Variants in ACAP1 observed in about 807,000 individuals in gnomAD.
ACAP1 encodes arf-GAP with coiled-coil, ANK repeat and PH domain-containing protein 1.
In ACAP1, 45 loss-of-function variants were observed where a neutral mutation model predicts 98.8. That is an observed-to-expected ratio of 0.46 (90% confidence interval 0.36 to 0.58). The LOEUF (loss-of-function observed/expected upper bound fraction) is 0.58, where lower values mean the gene tolerates loss of function less well. Among genes scored for constraint, ACAP1 ranks in the 20% least tolerant of loss-of-function variants. ACAP1 has a pLI of 0.00. For synonymous variants in ACAP1, 362 were observed against 375.3 expected (o/e 0.96, Z 0.41); for missense variants, 735 against 971.4 (o/e 0.76, Z 3.24).
At chr17:7,338,881 G>A (rs1315738937) in intron 2 of ACAP1, among the ~76,000 whole-genome samples, 1 of 151,834 alleles carries the variant, frequency 6.6e-6, no homozygotes, top group Non-Finnish European at 1.5e-5. Context: ...ATTGACTCAG[G>A]AGACTAGTGA....
Position 7,343,059 on chromosome 17 carries a change from A to C in ACAP1, c.345-320A>C. 1 of 261,186 alleles carries C rather than the reference A, an allele frequency of 3.8e-6. No individual in the cohort carries two copies. The highest frequency in any genetic ancestry group is 7.3e-6 in the Non-Finnish European group (1 of 136,126). 16.2% of individuals were successfully genotyped at this position (261,186 alleles called of 1,614,324 possible). ...TGTGCCACTGTACTCCAGCCTGGGT[A>C]ACAGAGCAAGACCCGGTCTCAAAAA... is the stretch of plus-strand genomic sequence containing the variant. On this transcript the variant is annotated intron_variant, in intron 5 of 21. Transcript: ENST00000158762. The surrounding 1 kb of genome is among the most constrained non-coding windows in gnomAD (Gnocchi z 4.9).
chr17:7,346,081 T>C (rs565094141), intron 10 of ACAP1, 163 bp from the exon 11 acceptor site: 3 of 709,684 alleles, frequency 4.2e-6, no homozygotes, highest in African/African-American at 3.5e-5. Context: ...CCTTTAGATG[T>C]TCCAATCTGC....
chr17:7,347,354 T>G, intron 14 of ACAP1, 112 bp downstream of exon 14: 2 of 1,095,866 alleles, frequency 1.8e-6, no homozygotes, highest in Non-Finnish European at 2.6e-6. Context: ...CTTCCTCTCT[T>G]AGCTTCTGGC....
Position 7,343,033 on chromosome 17 carries a change from T to C in ACAP1, c.345-346T>C, listed in dbSNP as rs753945610. ...AGGTCAGGGCTGCGGTGAGCCATGA[T>C]TGTGCCACTGTACTCCAGCCTGGGT... On this transcript the variant is annotated intron_variant, in intron 5 of 21. Coordinates refer to ENST00000158762, the MANE Select transcript of ACAP1 (RefSeq NM_014716.4). This position sits in a 1 kb window ranked among gnomAD's most constrained non-coding sequence, Gnocchi z 4.9. 4 of 235,036 alleles carry C rather than the reference T, an allele frequency of 1.7e-5. No homozygotes were observed. The highest frequency in any genetic ancestry group is 3.3e-5 in the Non-Finnish European group (4 of 120,330). 14.6% of individuals were successfully genotyped at this position (235,036 alleles called of 1,614,324 possible). A position where few individuals can be genotyped will look rare whatever the true frequency, so the allele number is the denominator to read the frequency against.
chr17:7,350,516 TTTTTA>T lies in ACAP1; in HGVS notation c.2072+280_2072+284del. 1.9e-6 allele frequency: 1 copy of T among 524,166 alleles called. No individual in the cohort carries two copies. The highest frequency in any genetic ancestry group is 1.9e-5 in the African/African-American group (1 of 52,182). 32.5% of individuals were successfully genotyped at this position (524,166 alleles called of 1,614,324 possible). A position where few individuals can be genotyped will look rare whatever the true frequency, so the allele number is the denominator to read the frequency against. On this transcript the variant is annotated intron_variant, in intron 20 of 21. Coordinates refer to ENST00000158762, the MANE Select transcript of ACAP1 (RefSeq NM_014716.4). The surrounding 1 kb of genome is among the most constrained non-coding windows in gnomAD (Gnocchi z 4.6). ...CCCATCAACATTGCTGTCAGGCATC[TTTTTA>T]GCACTAGACGTGACCCCGGGGGTGG...
chr17:7,348,709 A>G, intron 17 of ACAP1: 1 of 575,598 alleles, frequency 1.7e-6, no homozygotes, highest in Non-Finnish European at 3.0e-6. Context: ...AAGGAGAGAG[A>G]GAGGGGGTGG....
At chr17:7,349,859 C>T in intron 18 of ACAP1, 86 bp from the exon 19 acceptor site, 1 of 1,116,374 alleles carries the variant, frequency 9.0e-7, no homozygotes, top group Non-Finnish European at 1.3e-6. Flanking sequence ...CCCTCCCATT[C>T]TCTGAACTGG....
intron 2 of ACAP1, among the ~76,000 whole-genome samples, chr17:7,339,378 C>T (rs186364926): frequency 5.3e-5 from 8 of 151,916 alleles, no homozygotes; most frequent in Admixed American, 2.6e-4. Context: ...TGGTAGGCTG[C>T]GGCAGGTGGA....
chr17:7,345,106 G>A (rs2073333683), intron 10 of ACAP1, among the ~76,000 whole-genome samples: 1 of 151,988 alleles, frequency 6.6e-6, no homozygotes, highest in Non-Finnish European at 1.5e-5. Flanking sequence ...GCTAATGGGG[G>A]CATGAGTCAT....
Position 7,347,052 on chromosome 17 carries a change from G to A in ACAP1, c.1153G>A (p.Gly385Ser), listed in dbSNP as rs1457600540. 2 of 1,600,704 alleles carry A rather than the reference G, an allele frequency of 1.2e-6. No individual in the cohort carries two copies. The highest frequency in any genetic ancestry group is 1.7e-6 in the Non-Finnish European group (2 of 1,171,814). Reference protein sequence around the residue: ...PGQGSGHLAIGSAATLGSGGM... With the variant: ...PGQGSGHLAISSAATLGSGGM... ...CCAGGGCTCAGGACACCTGGCCATA[G>A]GCTCTGCTGCCACCCTGGGCTCTGG... Residue 385 changes from glycine to serine, a missense_variant, in exon 14 of 22, where the codon GGC becomes AGC. By Grantham distance (56) the Gly-to-Ser change is moderately conservative. Coordinates refer to ENST00000158762, the MANE Select transcript of ACAP1 (RefSeq NM_014716.4).
chr17:7,346,050 T>C, intron 10 of ACAP1, 194 bp from the exon 11 acceptor site: 1 of 612,184 alleles, frequency 1.6e-6, no homozygotes, highest in Non-Finnish European at 2.9e-6. Flanking sequence ...AAATCTGGGT[T>C]GTCCAAGATA....
chr17:7,348,039 C>A, intron 15 of ACAP1, 48 bp downstream of exon 15: 8 of 1,610,920 alleles, frequency 5.0e-6, no homozygotes, highest in Non-Finnish European at 5.9e-6. Context: ...TGGGGTGGGG[C>A]AAGGACATGG....
At position 7,336,587 on chromosome 17, in the gene ACAP1, G is replaced by C. The variant is rs998849081; in HGVS notation, c.-148G>C. 1.7e-5 allele frequency: 13 copies of C among 779,348 alleles called. No individual in the cohort carries two copies. In the African/African-American group the frequency reaches 1.7e-4, roughly 10 times the overall value. 48.3% of individuals were successfully genotyped at this position (779,348 alleles called of 1,614,324 possible). A position where few individuals can be genotyped will look rare whatever the true frequency, so the allele number is the denominator to read the frequency against. ...CCTAGGACACCCCTTTCCCCTTGGG[G>C]AAAGAATTGTGCCCCCAGGCCCTTC... On this transcript the variant is annotated 5_prime_UTR_variant, in exon 1 of 22. Coordinates refer to ENST00000158762, the MANE Select transcript of ACAP1 (RefSeq NM_014716.4).
intron 1 of ACAP1, 129 bp downstream of exon 1, chr17:7,336,916 C>A: frequency 2.1e-6 from 2 of 961,370 alleles, no homozygotes; most frequent in Non-Finnish European, 3.2e-6. Flanking sequence ...AGCCTGTGGG[C>A]CAAAGTGGTA....
At chr17:7,348,752 G>A (rs1033413934) in intron 17 of ACAP1, 11 of 583,748 alleles carry the variant, frequency 1.9e-5, no homozygotes, top group Non-Finnish European at 2.7e-5. Flanking sequence ...TGAGAGCTGA[G>A]GCCAAGTGTG....
chr17:7,350,687 C>T lies in ACAP1; in HGVS notation c.2073-263C>T. On this transcript the variant is annotated intron_variant, in intron 20 of 21. Transcript: ENST00000158762. This position sits in a 1 kb window ranked among gnomAD's most constrained non-coding sequence, Gnocchi z 4.6. ...GCAGGGGCGCGATCTCGGCTCACTGCAACCCCCGCCTCCCGGGTTCAAGCG... is the reference window on the plus strand; with the variant it reads ...GCAGGGGCGCGATCTCGGCTCACTGTAACCCCCGCCTCCCGGGTTCAAGCG... 1 of 465,084 alleles carries T rather than the reference C, an allele frequency of 2.2e-6. No homozygotes were observed. Among genetic ancestry groups the T allele is most frequent in the Non-Finnish European group, 3.9e-6 (1 of 254,980 alleles). The allele number at this position is 465,084 out of a possible 1,614,324, so 28.8% of individuals were successfully genotyped here.
Position 7,344,241 on chromosome 17 carries a change from A to C in ACAP1, c.744+118A>C. The stretch of plus-strand genomic sequence containing the variant: ...AGCCTAGGCATCGTAGTGAAACTCC[A>C]TCTCTACAGAAAATTTTAAAATTAG... On this transcript the variant is annotated intron_variant, in intron 9 of 21. Transcript: ENST00000158762. The surrounding 1 kb of genome is among the most constrained non-coding windows in gnomAD (Gnocchi z 4.9). 1.7e-6 allele frequency: 2 copies of C among 1,181,664 alleles called. No individual in the cohort carries two copies. The highest frequency in any genetic ancestry group is 1.4e-5 in the South Asian group (1 of 69,634). The allele number at this position is 1,181,664 out of a possible 1,614,324, so 73.2% of individuals were successfully genotyped here.
intron 2 of ACAP1, among the ~76,000 whole-genome samples, chr17:7,341,541 C>T (rs1291145907): frequency 4.6e-5 from 7 of 152,170 alleles, no homozygotes; most frequent in African/African-American, 1.7e-4. Context: ...CACGCCCGGC[C>T]AATACTGTAG....
chr17:7,345,119 T>C (rs141701559), intron 10 of ACAP1, among the ~76,000 whole-genome samples: 10 of 152,124 alleles, frequency 6.6e-5, no homozygotes, highest in African/African-American at 2.2e-4. Flanking sequence ...TGAGTCATTA[T>C]AGGGCCCTAT....
Sources: allele counts gnomAD v4.1 joint callset (sites outside exome capture counted in the v4.1 genomes callset), GRCh38; gene constraint gnomAD v4.1.1; non-coding constraint Gnocchi (gnomAD v3.1); transcripts MANE v1.5; gene names NCBI Gene and HGNC (gene_info 2026-07-23, HGNC 2026-07-21).